RAB23: variants seen among roughly 807,000 people sequenced by gnomAD.
RAB23 encodes ras-related protein Rab-23.
RAB23 carries 15 observed loss-of-function variants against 30.0 expected under a neutral mutation model. That is an observed-to-expected ratio of 0.50 (90% CI 0.33 to 0.77). The LOEUF is 0.77. Ranked by LOEUF, RAB23 falls within the 30% of genes least tolerant of loss-of-function variation. The pLI, the probability that RAB23 is intolerant of heterozygous loss-of-function variation, is 0.02. For synonymous variants in RAB23, 93 were observed against 94.0 expected, an observed-to-expected ratio of 0.99 and a Z score of 0.06; for missense variants, 243 against 275.4, an observed-to-expected ratio of 0.88 and a Z score of 0.83.
chr6:57,210,330 A>C lies in RAB23; in HGVS notation c.51T>G (p.Asn17Lys). Reference sequence around the variant, plus strand: ...TCATACTTGATTTTCCAACTGCTCCATTCCCTACAACCACCATCTTTATGG... The same window carrying C: ...TCATACTTGATTTTCCAACTGCTCCCTTCCCTACAACCACCATCTTTATGG... ...EVAIKMVVVG[N>K]GAVGKSSMIQ... The change falls in exon 2 of 7, where the codon AAT (asparagine) becomes AAG (lysine). Residue 17 changes from asparagine to lysine, a missense_variant. Asn to Lys is a moderately conservative substitution (Grantham distance 94, BLOSUM62 0). Transcript: ENST00000468148. 1 of 1,614,030 alleles carries C rather than the reference A, an allele frequency of 6.2e-7. No homozygotes were observed. Among genetic ancestry groups the C allele is most frequent in the Non-Finnish European group, 8.5e-7 (1 of 1,179,910 alleles).
chr6:57,187,893 G>T lies in RAB23; in HGVS notation c.*2568C>A, dbSNP rs1257226038. ...AAAGTAACGTGTGCTATCAACTTTG[G>T]GCAGATACAAAGGAAATCATTTAAC... On this transcript the variant is annotated 3_prime_UTR_variant, in exon 7 of 7. Transcript: ENST00000468148. 6.6e-6 allele frequency: 1 copy of T among 151,612 alleles called. No individual in the cohort carries two copies. Among genetic ancestry groups the T allele is most frequent in the African/African-American group, 2.4e-5 (1 of 41,148 alleles). The allele number at this position is 151,612 out of a possible 1,614,324, so 9.4% of individuals were successfully genotyped here. A position where few individuals can be genotyped will look rare whatever the true frequency, so the allele number is the denominator to read the frequency against.
At chr6:57,198,074 C>T (rs72868622) in intron 3 of RAB23, among the ~76,000 whole-genome samples, 5,370 of 151,956 alleles carry the variant, frequency 0.035, 135 homozygotes, top group Non-Finnish European at 0.054. Context: ...CTGTGCCTGG[C>T]CTAAAAACAG....
intron 2 of RAB23, among the ~76,000 whole-genome samples, chr6:57,209,141 C>T (rs1369455147): frequency 6.6e-6 from 1 of 152,088 alleles, no homozygotes; most frequent in Non-Finnish European, 1.5e-5. Context: ...ACAAAAAGGA[C>T]ATGTGTTTAC....
intron 1 of RAB23, among the ~76,000 whole-genome samples, chr6:57,215,113 G>A (rs940116319): frequency 2.0e-5 from 3 of 152,164 alleles, no homozygotes; most frequent in Admixed American, 6.5e-5. Context: ...CATACAATCT[G>A]AGCCACGCAA....
At position 57,196,379 on chromosome 6, in the gene RAB23, C is replaced by G. The variant is rs938020234; in HGVS notation, c.398+71G>C. On this transcript the variant is annotated intron_variant, in intron 4 of 6. Transcript: ENST00000468148. ...AGAATTTTTCCTAGAACCTGTAAAA[C>G]TATGCAAAAATTAAGATGTCTTAAC... 24 of 1,572,932 alleles carry G rather than the reference C, an allele frequency of 1.5e-5. No homozygotes were observed. In the East Asian group the frequency reaches 5.4e-4, roughly 35 times the overall value.
intron 1 of RAB23, among the ~76,000 whole-genome samples, chr6:57,215,559 A>C (rs939815258): frequency 6.6e-6 from 1 of 152,234 alleles, no homozygotes; most frequent in African/African-American, 2.4e-5. Context: ...AATATCCTCT[A>C]GGAATGAAAA....
At chr6:57,192,563 T>G (rs1046903233) in intron 6 of RAB23, among the ~76,000 whole-genome samples, 2 of 152,190 alleles carry the variant, frequency 1.3e-5, no homozygotes, top group African/African-American at 4.8e-5. Flanking sequence ...AACTGGACAC[T>G]TGGCAGTGCC....
chr6:57,218,807 G>A (rs1289299448), intron 1 of RAB23, among the ~76,000 whole-genome samples: 1 of 150,836 alleles, frequency 6.6e-6, no homozygotes, highest in Non-Finnish European at 1.5e-5. Flanking sequence ...AGCTGAGATC[G>A]TGTGCCACTG....
In RAB23 at chr6:57,189,054, G is replaced by GTTA. The variant is rs1048945100; in HGVS notation, c.*1404_*1406dup. 2.0e-5 allele frequency: 3 copies of GTTA among 152,106 alleles called. No homozygotes were observed. Among genetic ancestry groups the GTTA allele is most frequent in the African/African-American group, 7.2e-5 (3 of 41,414 alleles). 9.4% of individuals were successfully genotyped at this position (152,106 alleles called of 1,614,324 possible). A position where few individuals can be genotyped will look rare whatever the true frequency, so the allele number is the denominator to read the frequency against. On this transcript the variant is annotated 3_prime_UTR_variant, in exon 7 of 7. Coordinates refer to ENST00000468148, the MANE Select transcript of RAB23 (RefSeq NM_016277.5). ...GTAAAAACCAGGTATATTGAAAGGG[G>GTTA]TTATTTATAGGTTAAAAATAAAGCC... is the stretch of plus-strand genomic sequence containing the variant.
intron 3 of RAB23, among the ~76,000 whole-genome samples, chr6:57,203,252 G>A (rs1386653747): frequency 3.9e-5 from 6 of 151,978 alleles, no homozygotes; most frequent in African/African-American, 1.2e-4. Context: ...GTGACCTGCC[G>A]GCCGCAGCCT....
In RAB23 at chr6:57,196,552, G is replaced by C. The variant is rs1170637769; in HGVS notation, c.296C>G (p.Ala99Gly). ...FSTTDRESFEAVSSWREKVVA... is the reference protein window; with the variant it reads ...FSTTDRESFEGVSSWREKVVA... The stretch of plus-strand genomic sequence containing the variant: ...TACTTTCTCTCTCCAACTGGAAACT[G>C]CTTCAAAAGATTCCCTATCTGTGGT... The change falls in exon 4 of 7, where the codon GCA becomes GGA. Residue 99 changes from alanine (A) to glycine (G), a missense_variant. Coordinates refer to ENST00000468148, the MANE Select transcript of RAB23 (RefSeq NM_016277.5). The C allele has an allele frequency of 6.2e-7, 1 of 1,613,968 alleles. No homozygotes were observed. The highest frequency in any genetic ancestry group is 8.5e-7 in the Non-Finnish European group (1 of 1,179,954).
In RAB23 at chr6:57,213,964, C is replaced by T. The variant is rs534663933; in HGVS notation, c.-65-3519G>A. Among the ~76,000 whole-genome samples, 6 of 133,590 alleles carry T rather than the reference C, an allele frequency of 4.5e-5. No individual in the cohort carries two copies. In the South Asian group the frequency reaches 1.5e-3, roughly 32 times the overall value. The allele number at this position is 133,590 out of a possible 152,430, so 87.6% of individuals were successfully genotyped here. ...ATGGGGTGGTGTCAGAAAAGACCAA[C>T]TGGGGAGGACTGGGGAGGACTTGCA... On this transcript the variant is annotated intron_variant, in intron 1 of 6. Transcript: ENST00000468148.
At chr6:57,204,336 T>C (rs190448115) in intron 3 of RAB23, among the ~76,000 whole-genome samples, 1 of 152,336 alleles carries the variant, frequency 6.6e-6, no homozygotes, top group East Asian at 1.9e-4. Context: ...TATTTTCAAG[T>C]ACTGCTTCTC....
In RAB23 at chr6:57,189,552, C is replaced by G. The variant is rs1322558192; in HGVS notation, c.*909G>C. On this transcript the variant is annotated 3_prime_UTR_variant, in exon 7 of 7. Coordinates refer to ENST00000468148, the MANE Select transcript of RAB23 (RefSeq NM_016277.5). ...TTGGCTGACCTTATGAGAGCAGGAG[C>G]TCACCATGCTTATGGGTGACTATAT... is the stretch of plus-strand genomic sequence containing the variant. 1 of 152,270 alleles carries G rather than the reference C, an allele frequency of 6.6e-6. No individual in the cohort carries two copies. The highest frequency in any genetic ancestry group is 1.9e-4 in the East Asian group (1 of 5,190). 9.4% of individuals were successfully genotyped at this position (152,270 alleles called of 1,614,324 possible).
intron 4 of RAB23, among the ~76,000 whole-genome samples, chr6:57,195,740 C>T (rs1421935315): frequency 1.3e-5 from 2 of 152,162 alleles, no homozygotes; most frequent in Non-Finnish European, 2.9e-5. Context: ...GTAGCCTTTC[C>T]GTGAGAACAG....
At chr6:57,192,824 A>G (rs1193245103) in intron 6 of RAB23, among the ~76,000 whole-genome samples, 2 of 152,196 alleles carry the variant, frequency 1.3e-5, no homozygotes, top group Non-Finnish European at 2.9e-5. Context: ...TTGTTCTTCG[A>G]CAGAAGATGG....
In RAB23 at chr6:57,190,569, G is replaced by A. The variant is rs771204930; in HGVS notation, c.606C>T (p.Ser202=). The change falls in exon 7 of 7, where the codon TCC becomes TCT. Residue 202 remains serine, a synonymous_variant. Transcript: ENST00000468148. ...CATTGAGGGTACCTGAATTCTGACCGGAGTGACTTCCACCAGATGTATTAA... is the reference window on the plus strand; with the variant it reads ...CATTGAGGGTACCTGAATTCTGACCAGAGTGACTTCCACCAGATGTATTAA... The part of the protein sequence containing the change: ...GVFNTSGGSH[S]GQNSGTLNGG... The A allele has an allele frequency of 2.7e-5, 44 of 1,613,768 alleles. No homozygotes were observed. The highest frequency in any genetic ancestry group is 4.4e-5 in the South Asian group (4 of 91,078).
chr6:57,213,577 T>C (rs753386332), intron 1 of RAB23, among the ~76,000 whole-genome samples: 2 of 152,230 alleles, frequency 1.3e-5, no homozygotes, highest in South Asian at 2.1e-4. Context: ...TTTAAAGATA[T>C]ATACTTCAGA....
chr6:57,208,626 C>CAAAAAAA (rs1168854982), intron 2 of RAB23, among the ~76,000 whole-genome samples: 2 of 46,916 alleles, frequency 4.3e-5, no homozygotes, highest in Non-Finnish European at 4.0e-5. Context: ...GACTCTGTCT[C>CAAAAAAA]AAAAAAAAAA....
Sources: gnomAD v4.1 joint callset for allele counts (sites outside exome capture counted in the v4.1 genomes callset) on GRCh38, gnomAD v4.1.1 for gene constraint, MANE v1.5 for transcripts, NCBI Gene and HGNC (gene_info 2026-07-23, HGNC 2026-07-21) for gene names.